Variants in PPP4R2 observed in about 807,000 individuals in gnomAD.
The protein encoded by PPP4R2 is serine/threonine-protein phosphatase 4 regulatory subunit 2.
PPP4R2 carries 13 observed loss-of-function variants against 47.2 expected under a neutral mutation model. The ratio of observed to expected loss-of-function variants is 0.28; its 90% confidence interval spans 0.18 to 0.44. The LOEUF is 0.44. Among genes scored for constraint, PPP4R2 ranks in the 20% least tolerant of loss-of-function variants. PPP4R2 has a pLI of 1.00. For synonymous variants in PPP4R2, 151 were observed against 163.3 expected, an observed-to-expected ratio of 0.92 and a Z score of 0.57; for missense variants, 421 against 491.2, an observed-to-expected ratio of 0.86 and a Z score of 1.35.
At chr3:73,007,840 T>G (rs1355239376) in intron 2 of PPP4R2, among the ~76,000 whole-genome samples, 1 of 152,192 alleles carries the variant, frequency 6.6e-6, no homozygotes, top group Non-Finnish European at 1.5e-5. Flanking sequence ...TAACGTAGTA[T>G]TTCTTGAAAC....
intron 2 of PPP4R2, chr3:73,015,798 C>A (rs776984442): frequency 2.5e-5 from 11 of 445,302 alleles, no homozygotes; most frequent in South Asian, 1.6e-4. Context: ...CCACCATGCC[C>A]GATTAATTTT....
At chr3:73,007,730 C>T (rs1409935090) in intron 2 of PPP4R2, among the ~76,000 whole-genome samples, 7 of 152,140 alleles carry the variant, frequency 4.6e-5, no homozygotes, top group East Asian at 3.9e-4. Context: ...CTCAAGTGAT[C>T]GACCCGTCTC....
intron 2 of PPP4R2, among the ~76,000 whole-genome samples, chr3:73,005,557 C>T (rs898994207): frequency 6.6e-6 from 1 of 151,752 alleles, no homozygotes; most frequent in African/African-American, 2.4e-5. Flanking sequence ...TTTTAAAAAG[C>T]AGTGTTACGG....
In PPP4R2 at chr3:73,065,801, T is replaced by C. The variant is rs1559572922; in HGVS notation, c.*79T>C. 3.2e-6 allele frequency: 3 copies of C among 945,042 alleles called. No individual in the cohort carries two copies. The highest frequency in any genetic ancestry group is 5.3e-5 in the East Asian group (2 of 37,642). The allele number at this position is 945,042 out of a possible 1,614,324, so 58.5% of individuals were successfully genotyped here. On this transcript the variant is annotated 3_prime_UTR_variant, in exon 9 of 9. Coordinates refer to ENST00000356692, the MANE Select transcript of PPP4R2 (RefSeq NM_174907.4). Reference sequence around the variant, plus strand: ...TGTATAAAACTTTTGTGTAATAAAATGGACCTTTAGTTTTACAAGAGAAGC... The same window carrying C: ...TGTATAAAACTTTTGTGTAATAAAACGGACCTTTAGTTTTACAAGAGAAGC...
chr3:73,014,428 G>C (rs953494926), intron 2 of PPP4R2, among the ~76,000 whole-genome samples: 23 of 152,154 alleles, frequency 1.5e-4, no homozygotes, highest in African/African-American at 5.3e-4. Context: ...TAGGACTACA[G>C]GTATGCACCA....
chr3:73,014,372 A>G lies in PPP4R2; in HGVS notation c.116+16214A>G, dbSNP rs572750337. ...ATGATCATAGCTTACTGCAACCTCA[A>G]ACTCCTAGGCTCAAGTGATTTTCCC... On this transcript the variant is annotated intron_variant, in intron 2 of 8. Transcript: ENST00000356692. Among the ~76,000 whole-genome samples, 3 of 69,742 alleles carry G rather than the reference A, an allele frequency of 4.3e-5. 1 individual carries two copies. The highest frequency in any genetic ancestry group is 1.3e-4 in the African/African-American group (3 of 23,868). The allele number at this position is 69,742 out of a possible 152,430, so 45.8% of individuals were successfully genotyped here.
At chr3:73,015,881 A>C (rs1340655907) in intron 2 of PPP4R2, 1 of 371,020 alleles carries the variant, frequency 2.7e-6, no homozygotes, top group Admixed American at 2.9e-5. Flanking sequence ...CTCGTGATCT[A>C]CCTGCTTTGG....
intron 2 of PPP4R2, among the ~76,000 whole-genome samples, chr3:73,028,256 CAAAAAAAA>C (rs60279021): frequency 8.3e-6 from 1 of 120,480 alleles, no homozygotes; most frequent in South Asian, 2.7e-4. Flanking sequence ...GACTCCGTCT[CAAAAAAAA>C]AAAAAAAAAA....
chr3:73,021,150 T>C (rs1411188868), intron 2 of PPP4R2, among the ~76,000 whole-genome samples: 2 of 152,064 alleles, frequency 1.3e-5, no homozygotes, highest in African/African-American at 4.8e-5. Context: ...GTGTAGTAAA[T>C]GTTTTAAGTG....
In PPP4R2 at chr3:73,064,014, A is replaced by G. The variant is rs1181608948; in HGVS notation, c.506A>G (p.Asn169Ser). ...TTATCTTATTATAGGTCTAATATAA[A>G]TGGGCCTGGGACACCCAGGCCACTT... ...SPSYTERSNI[N>S]GPGTPRPLNR... Residue 169 changes from asparagine to serine, a missense_variant, in exon 7 of 9, where the codon AAT becomes AGT. Coordinates refer to ENST00000356692, the MANE Select transcript of PPP4R2 (RefSeq NM_174907.4). The G allele has an allele frequency of 6.3e-7, 1 of 1,594,008 alleles. No homozygotes were observed.
Position 73,065,078 on chromosome 3 carries a change from A to AGCC in PPP4R2, c.867_869dup (p.Arg290dup). ...TTCATCTCAGGATAAAGACAAAGATAGCCGTTGTACCCGGCAGCACTGTAC... is the reference window on the plus strand; with the variant it reads ...TTCATCTCAGGATAAAGACAAAGATAGCCGCCGTTGTACCCGGCAGCACTGTAC... On this transcript the variant is annotated inframe_insertion, in exon 8 of 9. Coordinates refer to ENST00000356692, the MANE Select transcript of PPP4R2 (RefSeq NM_174907.4). 6.2e-7 allele frequency: 1 copy of AGCC among 1,614,082 alleles called. No homozygotes were observed. Among genetic ancestry groups the AGCC allele is most frequent in the East Asian group, 2.2e-5 (1 of 44,882 alleles).
chr3:73,062,724 A>G (rs769250675), intron 5 of PPP4R2: 12 of 1,614,054 alleles, frequency 7.4e-6, no homozygotes, highest in East Asian at 2.2e-5. Flanking sequence ...ATTCAAGGCA[A>G]TGATGGCATC....
intron 2 of PPP4R2, among the ~76,000 whole-genome samples, chr3:73,035,045 G>C (rs918307491): frequency 6.6e-6 from 1 of 151,968 alleles, no homozygotes; most frequent in South Asian, 2.1e-4. Context: ...TTCTGACAAG[G>C]GATTAATAAC....
intron 2 of PPP4R2, among the ~76,000 whole-genome samples, chr3:73,025,033 T>G (rs1702035664): frequency 6.6e-6 from 1 of 152,170 alleles, no homozygotes; most frequent in Non-Finnish European, 1.5e-5. Flanking sequence ...GTCTTCCATA[T>G]TTCACATTTT....
chr3:73,001,152 G>A (rs1026344979), intron 2 of PPP4R2, among the ~76,000 whole-genome samples: 2 of 152,088 alleles, frequency 1.3e-5, no homozygotes, highest in African/African-American at 4.8e-5. Flanking sequence ...TACAATCTTG[G>A]TGGTAGAGAA....
At chr3:73,004,927 G>GTGTGTA (rs1305290198) in intron 2 of PPP4R2, among the ~76,000 whole-genome samples, 1 of 142,810 alleles carries the variant, frequency 7.0e-6, no homozygotes, top group African/African-American at 2.8e-5. Context: ...GTGTGTTTGT[G>GTGTGTA]TGTTTTGAGT....
intron 2 of PPP4R2, among the ~76,000 whole-genome samples, chr3:73,017,039 C>G (rs935088519): frequency 3.9e-5 from 6 of 152,030 alleles, no homozygotes; most frequent in Non-Finnish European, 5.9e-5. Flanking sequence ...GTTGCCCAGG[C>G]TGGTCCTGAA....
intron 2 of PPP4R2, among the ~76,000 whole-genome samples, chr3:73,003,273 G>A (rs945493668): frequency 2.7e-4 from 41 of 150,894 alleles, no homozygotes; most frequent in Admixed American, 1.7e-3. Context: ...GTGCAGTGGT[G>A]CGATCACAGC....
At chr3:72,997,387 A>C in intron 1 of PPP4R2, 1 of 272,396 alleles carries the variant, frequency 3.7e-6, no homozygotes, top group Non-Finnish European at 6.9e-6. Context: ...CCTCCCAGAT[A>C]TCCTCTTTTC....
Sources: gnomAD v4.1 joint callset for allele counts (sites outside exome capture counted in the v4.1 genomes callset) on GRCh38, gnomAD v4.1.1 for gene constraint, MANE v1.5 for transcripts, NCBI Gene and HGNC (gene_info 2026-07-23, HGNC 2026-07-21) for gene names.